Variants in SYT17 observed in about 807,000 individuals in gnomAD.
SYT17 encodes synaptotagmin-17.
A neutral mutation model predicts 46.7 loss-of-function variants in SYT17; 22 were observed. The ratio of observed to expected loss-of-function variants is 0.47; its 90% CI spans 0.34 to 0.67. The LOEUF is 0.67. Ranked by LOEUF, SYT17 falls within the 30% of genes least tolerant of loss-of-function variation. SYT17 has a pLI of 0.01. For synonymous variants in SYT17, 251 were observed against 248.4 expected (o/e 1.01, Z -0.10); for missense variants, 519 against 612.8 (o/e 0.85, Z 1.62).
intron 7 of SYT17, among the ~76,000 whole-genome samples, chr16:19,261,815 T>TG (rs1442135723): frequency 6.6e-6 from 1 of 152,208 alleles, no homozygotes; most frequent in Non-Finnish European, 1.5e-5. Context: ...TTCATATAGA[T>TG]AAGTCTGTCT....
At chr16:19,233,226 T>G (rs578149030) in intron 7 of SYT17, among the ~76,000 whole-genome samples, 343 of 152,278 alleles carry the variant, frequency 2.3e-3, no homozygotes, top group African/African-American at 7.8e-3. Flanking sequence ...TCAAATCAGC[T>G]AATTGAATCT....
At chr16:19,199,154 AC>A (rs1965367030) in intron 5 of SYT17, among the ~76,000 whole-genome samples, 1 of 151,912 alleles carries the variant, frequency 6.6e-6, no homozygotes, top group Non-Finnish European at 1.5e-5. Flanking sequence ...TGCCCTTGAG[AC>A]TCTCATCGTA....
intron 5 of SYT17, among the ~76,000 whole-genome samples, chr16:19,194,098 T>C (rs1177180461): frequency 6.6e-6 from 1 of 152,058 alleles, no homozygotes; most frequent in Non-Finnish European, 1.5e-5. Flanking sequence ...TCCCCTTTCC[T>C]CTGATCAGGA....
At chr16:19,190,881 C>T (rs1243686746) in intron 5 of SYT17, among the ~76,000 whole-genome samples, 1 of 151,764 alleles carries the variant, frequency 6.6e-6, no homozygotes, top group Non-Finnish European at 1.5e-5. Flanking sequence ...ACGGTGCCTC[C>T]ACCGTTTGGC....
chr16:19,172,824 T>C, intron 2 of SYT17, 47 bp downstream of exon 2: 2 of 1,611,550 alleles, frequency 1.2e-6, no homozygotes, highest in Non-Finnish European at 1.7e-6. Flanking sequence ...AATCAAGAAA[T>C]GCCTGACTTT....
chr16:19,172,875 T>G lies in SYT17; in HGVS notation c.33+98T>G. 5.6e-6 allele frequency: 8 copies of G among 1,424,400 alleles called. No homozygotes were observed. In the South Asian group the frequency reaches 9.5e-5, roughly 17 times the overall value. 88.2% of individuals were successfully genotyped at this position (1,424,400 alleles called of 1,614,324 possible). A position where few individuals can be genotyped will look rare whatever the true frequency, so the allele number is the denominator to read the frequency against. On this transcript the variant is annotated intron_variant, in intron 2 of 7. Transcript: ENST00000355377. ...TGTGGGGCTGTGGGGATATTGAATA[T>G]TCAACAATAACCTGGTGTTAATAAC...
At chr16:19,246,989 G>C (rs1243588567) in intron 7 of SYT17, among the ~76,000 whole-genome samples, 1 of 152,160 alleles carries the variant, frequency 6.6e-6, no homozygotes, top group African/African-American at 2.4e-5. Context: ...GTGATGCATG[G>C]GGTGAGGGTG....
chr16:19,193,791 G>A (rs1003981105), intron 5 of SYT17, among the ~76,000 whole-genome samples: 9 of 152,166 alleles, frequency 5.9e-5, no homozygotes, highest in African/African-American at 2.2e-4. Flanking sequence ...GGGAGCTGGG[G>A]TATTTATTCA....
chr16:19,187,641 T>C (rs1032948728), intron 5 of SYT17, among the ~76,000 whole-genome samples: 7 of 152,206 alleles, frequency 4.6e-5, no homozygotes, highest in Non-Finnish European at 1.0e-4. Flanking sequence ...GGGAAGAATA[T>C]GCTCCTATTG....
intron 7 of SYT17, among the ~76,000 whole-genome samples, chr16:19,244,781 G>A (rs1185889989): frequency 6.6e-6 from 1 of 152,210 alleles, no homozygotes; most frequent in Admixed American, 6.5e-5. Flanking sequence ...TCTAGCTGGT[G>A]GTTGGGGAGG....
At chr16:19,188,878 G>A (rs1013646784) in intron 5 of SYT17, among the ~76,000 whole-genome samples, 1 of 152,126 alleles carries the variant, frequency 6.6e-6, no homozygotes, top group East Asian at 1.9e-4. Context: ...CCCTGTGTGT[G>A]TCTGTGTCTC....
rs918319586 is a variant in SYT17, at chr16:19,260,217, C to G, written c.1229-6663C>G. ...TTAAAGAGTCTCTTCTGGCTGGGCGCAATGGCTCACACCTGTAATCCCGAC... is the reference window on the plus strand; with the variant it reads ...TTAAAGAGTCTCTTCTGGCTGGGCGGAATGGCTCACACCTGTAATCCCGAC... On this transcript the variant is annotated intron_variant, in intron 7 of 7. Coordinates refer to ENST00000355377, the MANE Select transcript of SYT17 (RefSeq NM_016524.4). Among the ~76,000 whole-genome samples, 5 of 151,446 alleles carry G rather than the reference C, an allele frequency of 3.3e-5. No individual in the cohort carries two copies. The East Asian group carries it at 9.7e-4, about 29-fold the overall frequency.
chr16:19,180,810 T>A (rs1964522618), intron 4 of SYT17, among the ~76,000 whole-genome samples: 1 of 152,234 alleles, frequency 6.6e-6, no homozygotes, highest in South Asian at 2.1e-4. Context: ...TGATTAACAT[T>A]GTCAGTGTAT....
chr16:19,241,276 G>C (rs1313704582), intron 7 of SYT17, among the ~76,000 whole-genome samples: 3 of 143,146 alleles, frequency 2.1e-5, no homozygotes, highest in African/African-American at 7.5e-5. Context: ...TTTGCTCCGA[G>C]TTAGGAGTGG....
intron 5 of SYT17, among the ~76,000 whole-genome samples, chr16:19,201,356 A>C (rs1286242090): frequency 1.3e-5 from 2 of 152,134 alleles, no homozygotes; most frequent in East Asian, 3.9e-4. Flanking sequence ...CCTGAGCTTC[A>C]GGCACAGCTA....
intron 5 of SYT17, among the ~76,000 whole-genome samples, chr16:19,220,309 T>TTTTTTTTTTTTC (rs1966266610): frequency 7.4e-6 from 1 of 135,698 alleles, no homozygotes; most frequent in Non-Finnish European, 1.6e-5. Context: ...CTTTCTTTTT[T>TTTTTTTTTTTTC]TTTTTTTTTT....
At chr16:19,240,800 C>T (rs570024316) in intron 7 of SYT17, among the ~76,000 whole-genome samples, 2 of 152,350 alleles carry the variant, frequency 1.3e-5, no homozygotes, top group South Asian at 2.1e-4. Context: ...GTAGGCTGTC[C>T]TTGGCCCCTC....
intron 5 of SYT17, among the ~76,000 whole-genome samples, chr16:19,205,046 G>A (rs1449830196): frequency 6.6e-6 from 1 of 152,180 alleles, no homozygotes; most frequent in African/African-American, 2.4e-5. Context: ...CTTCTCACCT[G>A]CAGTGTTAGG....
intron 6 of SYT17, 148 bp downstream of exon 6, chr16:19,223,313 G>T: frequency 9.7e-7 from 1 of 1,028,498 alleles, no homozygotes. Context: ...TAACCCTATT[G>T]GAATTGGGGA....
Sources: allele counts gnomAD v4.1 joint callset (sites outside exome capture counted in the v4.1 genomes callset), GRCh38; gene constraint gnomAD v4.1.1; transcripts MANE v1.5; gene names NCBI Gene and HGNC (gene_info 2026-07-23, HGNC 2026-07-21).